The following SORCS3 variants were observed in gnomAD, a reference collection of about 807,000 sequenced individuals.
SORCS3 encodes sortilin related VPS10 domain containing receptor 3, also known as VPS10 domain-containing receptor SorCS3.
SORCS3 carries 57 observed loss-of-function variants against 146.3 expected under a neutral mutation model. The observed-to-expected ratio is 0.39, with a 90% CI of 0.31 to 0.49. The LOEUF is 0.49. SORCS3 is among the 20% of genes least tolerant of loss of function. The pLI, the probability that SORCS3 is intolerant of heterozygous loss-of-function variation, is 0.92. For missense variants in SORCS3, 1,341 were observed against 1,575.5 expected (o/e 0.85, Z 2.52); for synonymous variants, 653 against 618.5 (o/e 1.06, Z -0.83).
chr10:104,811,002 A>G (rs1466221707), intron 1 of SORCS3, among the ~76,000 whole-genome samples: 3 of 152,226 alleles, frequency 2.0e-5, no homozygotes, highest in African/African-American at 7.2e-5. Flanking sequence ...ATGTAAATTT[A>G]AAAAACAAAA....
chr10:104,839,420 A>C (rs986978851), intron 1 of SORCS3, among the ~76,000 whole-genome samples: 3 of 152,218 alleles, frequency 2.0e-5, no homozygotes, highest in African/African-American at 7.2e-5. Context: ...GGGCACAGGC[A>C]GTGATACAAT....
At chr10:104,922,120 C>T (rs1241707949) in intron 3 of SORCS3, among the ~76,000 whole-genome samples, 1 of 152,166 alleles carries the variant, frequency 6.6e-6, no homozygotes, top group Non-Finnish European at 1.5e-5. Flanking sequence ...CAACACATAA[C>T]CCTGAACTAT....
At chr10:105,043,167 G>A in intron 5 of SORCS3, 39 bp downstream of exon 5, 3 of 1,571,342 alleles carry the variant, frequency 1.9e-6, no homozygotes, top group Non-Finnish European at 1.8e-6. Flanking sequence ...CTTAGATAAA[G>A]AATTATCAAA....
rs562559082 is a variant in SORCS3, at chr10:104,884,411, A to G, written c.696-31422A>G. Among the ~76,000 whole-genome samples the G allele has an allele frequency of 9.2e-5, 14 of 152,306 alleles. No individual in the cohort carries two copies. The South Asian group carries it at 2.3e-3, about 25-fold the overall frequency. On this transcript the variant is annotated intron_variant, in intron 2 of 26. Coordinates refer to ENST00000369701, the MANE Select transcript of SORCS3 (RefSeq NM_014978.3). ...TCTAGGATCTATGATATAAAAATTC[A>G]TATGTTATGTCAGAGACTTTTAGCG...
intron 2 of SORCS3, among the ~76,000 whole-genome samples, chr10:104,844,322 G>GC (rs1158276086): frequency 6.6e-6 from 1 of 152,078 alleles, no homozygotes. Flanking sequence ...CATTCCTGTG[G>GC]TGTCTGCTTG....
chr10:105,083,809 G>A (rs771106128), intron 5 of SORCS3, among the ~76,000 whole-genome samples: 1 of 152,166 alleles, frequency 6.6e-6, no homozygotes, highest in Admixed American at 6.5e-5. Context: ...TATACAGAAT[G>A]CATTCGTATT....
At chr10:104,765,377 G>A (rs77013719) in intron 1 of SORCS3, among the ~76,000 whole-genome samples, 228 of 152,318 alleles carry the variant, frequency 1.5e-3, no homozygotes, top group African/African-American at 5.3e-3. Flanking sequence ...TATGGTCGTG[G>A]AGCTAGTCTC....
intron 2 of SORCS3, among the ~76,000 whole-genome samples, chr10:104,846,765 TG>T (rs2018211073): frequency 6.6e-6 from 1 of 152,194 alleles, no homozygotes; most frequent in South Asian, 2.1e-4. Context: ...CACAACCATC[TG>T]TTGGTATCCC....
intron 3 of SORCS3, among the ~76,000 whole-genome samples, chr10:104,966,601 G>A (rs915381611): frequency 1.3e-5 from 2 of 152,116 alleles, no homozygotes; most frequent in African/African-American, 4.8e-5. Flanking sequence ...CAGAGTGAGA[G>A]AGAGACTGAG....
chr10:104,710,975 T>C (rs2016408809), intron 1 of SORCS3, among the ~76,000 whole-genome samples: 1 of 152,208 alleles, frequency 6.6e-6, no homozygotes. Flanking sequence ...GTTTCCAGGA[T>C]CATCCATTGC....
At chr10:104,741,228 C>T (rs2016838696) in intron 1 of SORCS3, among the ~76,000 whole-genome samples, 1 of 145,430 alleles carries the variant, frequency 6.9e-6, no homozygotes, top group South Asian at 2.1e-4. Flanking sequence ...GCCTCAGCTT[C>T]CCAGAGTACT....
chr10:105,064,179 T>G (rs1420394342), intron 5 of SORCS3, among the ~76,000 whole-genome samples: 4 of 152,140 alleles, frequency 2.6e-5, no homozygotes, highest in Admixed American at 6.5e-5. Context: ...CAGGAAGAAA[T>G]CAAATAATCA....
intron 20 of SORCS3, among the ~76,000 whole-genome samples, chr10:105,235,498 A>T (rs569786635): frequency 1.2e-4 from 18 of 148,644 alleles, no homozygotes; most frequent in South Asian, 4.2e-4. Flanking sequence ...TTTTTTTTTT[A>T]AACTCATAAT....
chr10:104,959,797 C>T (rs996520552), intron 3 of SORCS3, among the ~76,000 whole-genome samples: 1 of 152,148 alleles, frequency 6.6e-6, no homozygotes, highest in African/African-American at 2.4e-5. Context: ...CACAGACCAA[C>T]CAAGTGCTTT....
At chr10:104,916,591 C>CT in intron 3 of SORCS3, among the ~76,000 whole-genome samples, 1 of 152,284 alleles carries the variant, frequency 6.6e-6, no homozygotes, top group East Asian at 1.9e-4. Context: ...GGCCTGGATT[C>CT]TGTGGAACAA....
intron 1 of SORCS3, among the ~76,000 whole-genome samples, chr10:104,705,744 C>A (rs1277399678): frequency 1.1e-4 from 17 of 152,130 alleles, no homozygotes; most frequent in Admixed American, 1.1e-3. Context: ...CCCAGTTAAT[C>A]CAGCAGCTCA....
chr10:105,073,527 T>A (rs1349334254), intron 5 of SORCS3, among the ~76,000 whole-genome samples: 2 of 152,178 alleles, frequency 1.3e-5, no homozygotes, highest in East Asian at 3.9e-4. Context: ...CCTTGGGCTG[T>A]TTTTGGCTGT....
intron 1 of SORCS3, among the ~76,000 whole-genome samples, chr10:104,697,526 G>A (rs552665057): frequency 4.6e-5 from 7 of 152,282 alleles, no homozygotes; most frequent in Non-Finnish European, 7.4e-5. Flanking sequence ...GGGTCTTCTT[G>A]TCATTCTTCA....
chr10:104,912,875 T>C (rs2018983032), intron 2 of SORCS3, among the ~76,000 whole-genome samples: 1 of 151,286 alleles, frequency 6.6e-6, no homozygotes, highest in African/African-American at 2.4e-5. Flanking sequence ...TTGTGATTAA[T>C]CCCCCCCGGG....
Sources: gnomAD v4.1 joint callset for allele counts (sites outside exome capture counted in the v4.1 genomes callset) on GRCh38, gnomAD v4.1.1 for gene constraint, MANE v1.5 for transcripts, NCBI Gene and HGNC (gene_info 2026-07-23, HGNC 2026-07-21) for gene names.